Variants in SSBP3 observed in about 807,000 individuals in gnomAD.
SSBP3 encodes the protein single-stranded DNA-binding protein 3.
SSBP3 carries 5 observed loss-of-function variants against 69.6 expected under a neutral mutation model. The observed-to-expected ratio is 0.07, with a 90% CI of 0.04 to 0.15. The LOEUF (loss-of-function observed/expected upper bound fraction) is 0.15, where lower values mean the gene tolerates loss of function less well. SSBP3 is among the 10% of genes least tolerant of loss of function. The pLI, the probability that SSBP3 is intolerant of heterozygous loss-of-function variation, is 1.00. For missense variants in SSBP3, 312 were observed against 534.0 expected (o/e 0.58, Z 4.10); for synonymous variants, 196 against 193.4 (o/e 1.01, Z -0.11).
intron 1 of SSBP3, 50 bp from the exon 2 acceptor site, chr1:54,404,980 C>A (rs781265412): frequency 1.3e-6 from 2 of 1,527,742 alleles, no homozygotes; most frequent in South Asian, 1.1e-5. Flanking sequence ...CGTCAGATCC[C>A]ACCGGCGCTC....
At chr1:54,397,166 G>A (rs899771834) in intron 4 of SSBP3, among the ~76,000 whole-genome samples, 3 of 152,222 alleles carry the variant, frequency 2.0e-5, no homozygotes, top group Admixed American at 2.0e-4. Context: ...GGACCTCTGG[G>A]CAGATAGCTA....
At chr1:54,315,785 C>CT (rs753802628) in intron 4 of SSBP3, among the ~76,000 whole-genome samples, 13 of 152,052 alleles carry the variant, frequency 8.5e-5, no homozygotes, top group Non-Finnish European at 1.6e-4. Flanking sequence ...CCTCTGCCTC[C>CT]TGAGTAGCTG....
At chr1:54,238,493 C>T in intron 14 of SSBP3, 1 of 372,068 alleles carries the variant, frequency 2.7e-6, no homozygotes, top group South Asian at 2.1e-5. Context: ...TCGGGCAACG[C>T]CCCCTGGGTG....
chr1:54,400,712 C>T (rs1649234424), intron 4 of SSBP3, among the ~76,000 whole-genome samples: 2 of 152,244 alleles, frequency 1.3e-5, no homozygotes. Context: ...AACCAGTAGG[C>T]CACCACCTGA....
chr1:54,238,366 C>T (rs1421540060), intron 14 of SSBP3: 1 of 468,966 alleles, frequency 2.1e-6, no homozygotes, highest in Non-Finnish European at 4.4e-6. Context: ...TTTTCAGACC[C>T]TGAGCTCCTG....
At chr1:54,373,326 C>T (rs888703266) in intron 4 of SSBP3, among the ~76,000 whole-genome samples, 1 of 152,112 alleles carries the variant, frequency 6.6e-6, no homozygotes, top group Non-Finnish European at 1.5e-5. Flanking sequence ...GTCTGGGACT[C>T]GGTTTCCTCT....
chr1:54,281,898 A>C (rs1645399862), intron 4 of SSBP3, among the ~76,000 whole-genome samples: 1 of 151,980 alleles, frequency 6.6e-6, no homozygotes, highest in African/African-American at 2.4e-5. Flanking sequence ...GGAGTTCGAG[A>C]CCGGCGCGGG....
intron 4 of SSBP3, among the ~76,000 whole-genome samples, chr1:54,383,914 A>G (rs897123403): frequency 6.6e-6 from 1 of 152,028 alleles, no homozygotes; most frequent in East Asian, 1.9e-4. Flanking sequence ...AGACCATCCC[A>G]GCTAACACAG....
chr1:54,345,195 G>A (rs1235460938), intron 4 of SSBP3, among the ~76,000 whole-genome samples: 3 of 152,112 alleles, frequency 2.0e-5, no homozygotes, highest in Non-Finnish European at 2.9e-5. Flanking sequence ...GAAGAAAAAG[G>A]GCTGAACCCA....
intron 4 of SSBP3, among the ~76,000 whole-genome samples, chr1:54,320,510 G>C (rs1557528759): frequency 6.6e-6 from 1 of 152,116 alleles, no homozygotes; most frequent in Non-Finnish European, 1.5e-5. Flanking sequence ...AGTAGATACA[G>C]GTTTTCACCG....
Position 54,235,448 on chromosome 1 carries a change from ATTTTTT to A in SSBP3, c.927+3675_927+3680del, listed in dbSNP as rs71580002. On this transcript the variant is annotated intron_variant, in intron 14 of 17. Transcript: ENST00000610401. ...AGGCGTGTACCACCATGCCCGGCTG[ATTTTTT>A]TTTTTTTTTTTTTTTTTTTGAGATG... Among the ~76,000 whole-genome samples the A allele has an allele frequency of 9.7e-3, 678 of 69,900 alleles. 8 individuals carry two copies. The highest frequency in any genetic ancestry group is 0.042 in the African/African-American group (643 of 15,224). The allele number at this position is 69,900 out of a possible 152,430, so 45.9% of individuals were successfully genotyped here.
chr1:54,276,721 G>A (rs964625736), intron 5 of SSBP3, among the ~76,000 whole-genome samples: 4 of 151,698 alleles, frequency 2.6e-5, no homozygotes, highest in African/African-American at 9.7e-5. Flanking sequence ...TAACTGTTGT[G>A]GAACACAGAT....
chr1:54,277,387 CCTTTT>C (rs1645308098), intron 5 of SSBP3, among the ~76,000 whole-genome samples: 1 of 152,190 alleles, frequency 6.6e-6, no homozygotes, highest in African/African-American at 2.4e-5. Context: ...GTCTCTCCCT[CCTTTT>C]ATCTAATTCT....
At chr1:54,380,927 C>T (rs569282376) in intron 4 of SSBP3, among the ~76,000 whole-genome samples, 5 of 151,840 alleles carry the variant, frequency 3.3e-5, no homozygotes, top group African/African-American at 1.2e-4. Flanking sequence ...TTGAGACCAG[C>T]CGGGAAAAAC....
rs185652835 is a variant in SSBP3 at position 54,256,687 on chromosome 1, C to A, written c.507+440G>T. ...AGCATTCCTACGGGCCATTTCCCCC[C>A]CTAATAGCAGGATTATATTTACCAG... On this transcript the variant is annotated intron_variant, in intron 7 of 17. Transcript: ENST00000610401. Among the ~76,000 whole-genome samples, 69 of 152,286 alleles carry A rather than the reference C, an allele frequency of 4.5e-4. 1 individual carries two copies. The highest frequency in any genetic ancestry group is 1.2e-3 in the Admixed American group (18 of 15,302).
intron 4 of SSBP3, among the ~76,000 whole-genome samples, chr1:54,298,682 G>C (rs1167908661): frequency 6.6e-6 from 1 of 152,076 alleles, no homozygotes; most frequent in Non-Finnish European, 1.5e-5. Flanking sequence ...CTCTAGAAGA[G>C]AGGACTTGTC....
chr1:54,332,201 G>A (rs745448497), intron 4 of SSBP3, among the ~76,000 whole-genome samples: 2 of 152,180 alleles, frequency 1.3e-5, no homozygotes, highest in African/African-American at 2.4e-5. Context: ...GAGGCAAGGG[G>A]GGTGGCAAAT....
At chr1:54,327,644 A>G (rs909814655) in intron 4 of SSBP3, among the ~76,000 whole-genome samples, 10 of 152,224 alleles carry the variant, frequency 6.6e-5, no homozygotes, top group Non-Finnish European at 1.5e-4. Flanking sequence ...AAGTGAGGGC[A>G]GACAGGCATA....
At chr1:54,342,115 C>T (rs1350060414) in intron 4 of SSBP3, among the ~76,000 whole-genome samples, 1 of 152,178 alleles carries the variant, frequency 6.6e-6, no homozygotes, top group Non-Finnish European at 1.5e-5. Flanking sequence ...GCGGAGAGCA[C>T]CAGGAGAGGT....
Sources: gnomAD v4.1 joint callset for allele counts (sites outside exome capture counted in the v4.1 genomes callset) on GRCh38, gnomAD v4.1.1 for gene constraint, MANE v1.5 for transcripts, NCBI Gene and HGNC (gene_info 2026-07-23, HGNC 2026-07-21) for gene names.